The following ENOX1 variants were observed in gnomAD, a reference collection of about 807,000 sequenced individuals.
The protein encoded by ENOX1 is ecto-NOX disulfide-thiol exchanger 1.
Under a neutral mutation model 82.5 loss-of-function variants are expected in ENOX1, and 42 were observed. The observed-to-expected ratio is 0.51, with a 90% CI of 0.40 to 0.66. ENOX1 has a LOEUF of 0.66. Ranked by LOEUF, ENOX1 falls within the 30% of genes least tolerant of loss-of-function variation. The pLI, the probability that ENOX1 is intolerant of heterozygous loss-of-function variation, is 0.00. For missense variants in ENOX1, 608 were observed against 811.6 expected (o/e 0.75, Z 3.05); for synonymous variants, 271 against 282.2 (o/e 0.96, Z 0.40).
At chr13:43,493,474 G>A (rs955724260) in intron 2 of ENOX1, among the ~76,000 whole-genome samples, 2 of 152,190 alleles carry the variant, frequency 1.3e-5, no homozygotes, top group Non-Finnish European at 2.9e-5. Flanking sequence ...AACAGAGTCT[G>A]GACTTCTGAT....
At chr13:43,674,293 A>G (rs1013541869) in intron 1 of ENOX1, among the ~76,000 whole-genome samples, 3 of 152,182 alleles carry the variant, frequency 2.0e-5, no homozygotes, top group Non-Finnish European at 4.4e-5. Context: ...GACAGGTGAT[A>G]AACCAAAAAG....
At chr13:43,423,372 C>A (rs915786503) in intron 3 of ENOX1, among the ~76,000 whole-genome samples, 3 of 152,180 alleles carry the variant, frequency 2.0e-5, no homozygotes, top group Non-Finnish European at 4.4e-5. Flanking sequence ...AGCCTGGATC[C>A]ATTAAAGCTA....
chr13:43,317,031 G>A lies in ENOX1; in HGVS notation c.1261+5353C>T, dbSNP rs60952001. Among the ~76,000 whole-genome samples, 728 of 152,308 alleles carry A rather than the reference G, an allele frequency of 4.8e-3. 3 individuals are homozygous for A. The highest frequency in any genetic ancestry group is 0.016 in the African/African-American group (677 of 41,560). ...GTCTATTTCTCTTTCAGGAGATGGT[G>A]CCCTCGGCTGTCATTACATGTGAAA... On this transcript the variant is annotated intron_variant, in intron 11 of 16. Coordinates refer to ENST00000690772, the MANE Select transcript of ENOX1 (RefSeq NM_001347969.2).
intron 2 of ENOX1, among the ~76,000 whole-genome samples, chr13:43,487,671 G>A (rs1207364538): frequency 1.3e-5 from 2 of 152,120 alleles, no homozygotes; most frequent in African/African-American, 4.8e-5. Flanking sequence ...AAATCATAGG[G>A]CTTGAGACTC....
At chr13:43,727,592 G>C (rs1333051978) in intron 1 of ENOX1, among the ~76,000 whole-genome samples, 1 of 152,148 alleles carries the variant, frequency 6.6e-6, no homozygotes, top group Non-Finnish European at 1.5e-5. Flanking sequence ...GCCGCGGGTA[G>C]ACAGAAAGGG....
chr13:43,424,870 G>T (rs2055197198), intron 3 of ENOX1, among the ~76,000 whole-genome samples: 1 of 152,184 alleles, frequency 6.6e-6, no homozygotes, highest in Admixed American at 6.5e-5. Flanking sequence ...GTAGTTAGGG[G>T]AGGGCTATGG....
Position 43,355,638 on chromosome 13 carries a change from C to T in ENOX1, c.823+281G>A, listed in dbSNP as rs116501181. Among the ~76,000 whole-genome samples, 408 of 152,266 alleles carry T rather than the reference C, an allele frequency of 2.7e-3. 2 individuals carry two copies. Among genetic ancestry groups the T allele is most frequent in the African/African-American group, 9.3e-3 (388 of 41,536 alleles). On this transcript the variant is annotated intron_variant, in intron 8 of 16. Coordinates refer to ENST00000690772, the MANE Select transcript of ENOX1 (RefSeq NM_001347969.2). ...CAGTGAGTTTTGTTGAGTGACTGTA[C>T]ATACACTTTTATGGAGAACATGGGT...
intron 12 of ENOX1, among the ~76,000 whole-genome samples, chr13:43,288,600 T>C (rs990853835): frequency 3.9e-5 from 6 of 152,222 alleles, no homozygotes; most frequent in African/African-American, 1.4e-4. Context: ...TGTCCAGTGA[T>C]ACTGAATTAT....
intron 3 of ENOX1, among the ~76,000 whole-genome samples, chr13:43,460,956 C>G (rs1193432786): frequency 6.6e-6 from 1 of 151,958 alleles, no homozygotes; most frequent in Non-Finnish European, 1.5e-5. Flanking sequence ...AAACACTCTT[C>G]TTTCACTGCT....
At chr13:43,386,816 C>T (rs539967414) in intron 5 of ENOX1, among the ~76,000 whole-genome samples, 2 of 152,258 alleles carry the variant, frequency 1.3e-5, no homozygotes, top group South Asian at 2.1e-4. Flanking sequence ...AGAATTGATG[C>T]TAACACACTT....
intron 1 of ENOX1, among the ~76,000 whole-genome samples, chr13:43,687,044 C>T (rs935648162): frequency 1.3e-5 from 2 of 152,152 alleles, no homozygotes; most frequent in African/African-American, 4.8e-5. Context: ...TAGGTAACGA[C>T]GGAATTTGAT....
intron 2 of ENOX1, among the ~76,000 whole-genome samples, chr13:43,534,106 TC>T (rs796363201): frequency 5.3e-5 from 8 of 152,232 alleles, no homozygotes; most frequent in African/African-American, 1.9e-4. Context: ...AGCCACAGCC[TC>T]CTTAATCCAA....
intron 16 of ENOX1, among the ~76,000 whole-genome samples, chr13:43,217,854 A>G (rs943716478): frequency 5.3e-5 from 8 of 152,198 alleles, no homozygotes; most frequent in African/African-American, 1.9e-4. Flanking sequence ...TTATCTGTCA[A>G]TTAGGTTGTG....
chr13:43,769,945 T>C (rs1453602171), intron 1 of ENOX1, among the ~76,000 whole-genome samples: 12 of 152,206 alleles, frequency 7.9e-5, no homozygotes, highest in Non-Finnish European at 2.9e-5. Context: ...TTAGATGGCT[T>C]ATGTAAAATG....
At chr13:43,442,534 C>G (rs1181840427) in intron 3 of ENOX1, among the ~76,000 whole-genome samples, 1 of 152,106 alleles carries the variant, frequency 6.6e-6, no homozygotes, top group African/African-American at 2.4e-5. Context: ...TGACAATATC[C>G]CCAAACCCAC....
chr13:43,246,561 C>T (rs1254585828), intron 14 of ENOX1, among the ~76,000 whole-genome samples: 3 of 152,316 alleles, frequency 2.0e-5, no homozygotes, highest in Admixed American at 6.5e-5. Flanking sequence ...TTGCGGGTGA[C>T]GGACTTCTTT....
chr13:43,306,545 C>T (rs546743747), intron 11 of ENOX1, among the ~76,000 whole-genome samples: 1 of 152,276 alleles, frequency 6.6e-6, no homozygotes, highest in South Asian at 2.1e-4. Flanking sequence ...GTGCACCTCC[C>T]TTGGGTGTAG....
At chr13:43,431,945 C>G (rs1028887392) in intron 3 of ENOX1, among the ~76,000 whole-genome samples, 2 of 152,136 alleles carry the variant, frequency 1.3e-5, no homozygotes, top group African/African-American at 2.4e-5. Flanking sequence ...ATTCCTCTGG[C>G]CTAATCACCC....
At chr13:43,374,096 CTCCCCTCCCT>C (rs970769428) in intron 5 of ENOX1, among the ~76,000 whole-genome samples, 24 of 145,034 alleles carry the variant, frequency 1.7e-4, no homozygotes, top group East Asian at 1.0e-3. Context: ...CTTCCCTTCT[CTCCCCTCCCT>C]TCCCCTCCCT....
Sources: allele counts gnomAD v4.1 joint callset (sites outside exome capture counted in the v4.1 genomes callset), GRCh38; gene constraint gnomAD v4.1.1; transcripts MANE v1.5; gene names NCBI Gene and HGNC (gene_info 2026-07-23, HGNC 2026-07-21).